Variants in CEP295 observed in about 807,000 individuals in gnomAD.
CEP295 encodes the protein centrosomal protein of 295 kDa.
In CEP295, 190 loss-of-function variants were observed where a neutral mutation model predicts 291.6. That is an observed-to-expected ratio of 0.65 (90% CI 0.58 to 0.73). The LOEUF (loss-of-function observed/expected upper bound fraction) is 0.73. Ranked by LOEUF, CEP295 falls within the 30% of genes least tolerant of loss-of-function variation. CEP295 has a pLI of 0.00. For missense variants in CEP295, 2,863 were observed against 2,949.4 expected, an observed-to-expected ratio of 0.97 and a Z score of 0.68; for synonymous variants, 993 against 1,038.8, an observed-to-expected ratio of 0.96 and a Z score of 0.85.
chr11:93,723,522 T>A (rs923728989), intron 21 of CEP295: 1 of 362,178 alleles, frequency 2.8e-6, no homozygotes, highest in Non-Finnish European at 5.0e-6. Context: ...CCTTTGCCAT[T>A]GCAGAGTTAG....
At chr11:93,675,723 T>A in intron 6 of CEP295, 57 bp downstream of exon 6, 2 of 878,800 alleles carry the variant, frequency 2.3e-6, no homozygotes, top group South Asian at 3.4e-5. Flanking sequence ...GTGCATTGAA[T>A]TGAATTATAT....
rs912660657 is a variant in CEP295 at position 93,699,080 on chromosome 11, G to A, written c.4168G>A (p.Glu1390Lys). 3.2e-6 allele frequency: 5 copies of A among 1,546,612 alleles called. No individual in the cohort carries two copies. The highest frequency in any genetic ancestry group is 2.0e-5 in the Admixed American group (1 of 50,984). ...QSEWEGRISP[E>K]QVDTSSLPLV... is the part of the protein sequence containing the mutation. ...TGAATGGGAGGGAAGAATATCTCCC[G>A]AGCAGGTTGACACCTCTTCCTTACC... The change falls in exon 15 of 30, where the codon GAG (glutamate) becomes AAG (lysine). Residue 1390 changes from glutamate to lysine, a missense_variant. Around this residue, in one of 3 missense-constraint regions of CEP295, gnomAD observed 2,295 missense variants for 2,335.7 expected, o/e 0.98. Coordinates refer to ENST00000325212, the MANE Select transcript of CEP295 (RefSeq NM_033395.2).
rs1485081144 is a variant in CEP295, at chr11:93,666,795, C to T, written c.88C>T (p.Arg30Ter). 6 of 1,540,254 alleles carry T rather than the reference C, an allele frequency of 3.9e-6. No homozygotes were observed. The highest frequency in any genetic ancestry group is 3.9e-5 in the Admixed American group (2 of 50,826). Residue 30 changes from arginine to a stop codon, truncating the protein, a stop_gained, in exon 2 of 30, where the codon CGA (arginine) becomes TGA (stop). Coordinates refer to ENST00000325212, the MANE Select transcript of CEP295 (RefSeq NM_033395.2). LOFTEE classifies it high-confidence loss of function. ...TTTGAAGGAAGATTATGAAAGAAGG[C>T]GAAAACTAAGATTGCTACAGGTATG... The part of the protein sequence containing the change: ...FILKEDYERR[R>*]KLRLLQVREQ...
chr11:93,699,966 C>T lies in CEP295; in HGVS notation c.5054C>T (p.Pro1685Leu). The T allele has an allele frequency of 6.4e-7, 1 of 1,551,736 alleles. No homozygotes were observed. The highest frequency in any genetic ancestry group is 8.7e-7 in the Non-Finnish European group (1 of 1,147,004). ...GAACATGCAGCCCCCCCAAGTAATC[C>T]TGTGATCCCAGGGTTTCAAGATAGA... ...QNEHAAPPSN[P>L]VIPGFQDRLL... Residue 1685 changes from proline to leucine, a missense_variant, in exon 15 of 30, where the codon CCT becomes CTT. Pro to Leu is a moderately conservative substitution (Grantham distance 98, BLOSUM62 -3). Transcript: ENST00000325212.
At chr11:93,729,016 C>T (rs920289518) in intron 25 of CEP295, 195 bp downstream of exon 25, 1 of 544,806 alleles carries the variant, frequency 1.8e-6, no homozygotes, top group Non-Finnish European at 3.2e-6. Flanking sequence ...TTAATCCCCA[C>T]TCCAATTTAT....
intron 18 of CEP295, among the ~76,000 whole-genome samples, chr11:93,711,208 G>A (rs1591110240): frequency 6.6e-6 from 1 of 151,930 alleles, no homozygotes; most frequent in Non-Finnish European, 1.5e-5. Flanking sequence ...TTGATTTGAA[G>A]TTTTTCTTCT....
rs1188243080 is a variant in CEP295 at position 93,729,513 on chromosome 11, CAA to C, written c.7383_7384del (p.Arg2462AspfsTer42). 2 of 1,551,578 alleles carry C rather than the reference CAA, an allele frequency of 1.3e-6. No homozygotes were observed. The highest frequency in any genetic ancestry group is 1.7e-6 in the Non-Finnish European group (2 of 1,146,862). On this transcript the variant is annotated frameshift_variant, in exon 26 of 30. Transcript: ENST00000325212. LOFTEE classifies it high-confidence loss of function. The stretch of plus-strand genomic sequence containing the variant: ...GTATCAGAACTTTCCATAGAAAAAC[CAA>C]GGACAGCATCTACAGGTAAGCCTTG...
chr11:93,671,106 C>A (rs1015484374), intron 5 of CEP295, among the ~76,000 whole-genome samples: 2 of 152,162 alleles, frequency 1.3e-5, no homozygotes, highest in Non-Finnish European at 2.9e-5. Context: ...TGGTCTCGAA[C>A]TCCTGACCTC....
Position 93,702,586 on chromosome 11 carries a change from A to G in CEP295, c.5401A>G (p.Asn1801Asp), listed in dbSNP as rs1439346446. 6.4e-7 allele frequency: 1 copy of G among 1,550,624 alleles called. No individual in the cohort carries two copies. Residue 1801 changes from asparagine (N) to aspartate (D), a missense_variant, in exon 16 of 30, where the codon AAC becomes GAC. By Grantham distance (23) the Asn-to-Asp change is conservative (BLOSUM62 1). Around this residue, in one of 3 missense-constraint regions of CEP295, gnomAD observed 2,295 missense variants for 2,335.7 expected, o/e 0.98. Coordinates refer to ENST00000325212, the MANE Select transcript of CEP295 (RefSeq NM_033395.2). ...QENIRHADRNNSDDNHLASED... is the reference protein window; with the variant it reads ...QENIRHADRNDSDDNHLASED... Reference sequence around the variant, plus strand: ...AAATATTAGGCATGCAGATAGGAACAACTCTGATGATAATCATTTGGCTTC... The same window carrying G: ...AAATATTAGGCATGCAGATAGGAACGACTCTGATGATAATCATTTGGCTTC...
At chr11:93,676,431 A>G (rs1950695228) in intron 6 of CEP295, among the ~76,000 whole-genome samples, 1 of 151,888 alleles carries the variant, frequency 6.6e-6, no homozygotes, top group African/African-American at 2.4e-5. Context: ...AATTTTTTTC[A>G]TGTTGAATAT....
intron 18 of CEP295, among the ~76,000 whole-genome samples, chr11:93,711,912 A>C (rs921004589): frequency 1.3e-5 from 2 of 151,932 alleles, no homozygotes; most frequent in Non-Finnish European, 2.9e-5. Context: ...TGAGGAGAAG[A>C]ATATGTATTC....
At position 93,729,665 on chromosome 11, in the gene CEP295, T is replaced by A. The variant is rs1565230749; in HGVS notation, c.7451T>A (p.Ile2484Lys). The A allele has an allele frequency of 6.4e-7, 1 of 1,550,912 alleles. No individual in the cohort carries two copies. Reference protein sequence around the residue: ...PVPGSLQEAFIKRKKSFMERS... With the variant: ...PVPGSLQEAFKKRKKSFMERS... ...CCAGGGAGCTTACAAGAAGCATTTA[T>A]AAAGAGGAAAAAATCATTTATGGAG... Residue 2484 changes from isoleucine (I) to lysine (K), a missense_variant, in exon 27 of 30, where the codon ATA becomes AAA. Around this residue, in one of 3 missense-constraint regions of CEP295, gnomAD observed 2,295 missense variants for 2,335.7 expected, o/e 0.98. Coordinates refer to ENST00000325212, the MANE Select transcript of CEP295 (RefSeq NM_033395.2).
chr11:93,679,272 A>G (rs1950847639), intron 6 of CEP295, 140 bp from the exon 7 acceptor site: 1 of 713,938 alleles, frequency 1.4e-6, no homozygotes, highest in Admixed American at 3.0e-5. Flanking sequence ...CATGCCGTTG[A>G]TAATTGTGGA....
At chr11:93,702,133 AT>A (rs1319841932) in intron 15 of CEP295, among the ~76,000 whole-genome samples, 3 of 151,948 alleles carry the variant, frequency 2.0e-5, no homozygotes, top group African/African-American at 7.2e-5. Flanking sequence ...CAATTTTTGT[AT>A]TTTTAGTAGA....
rs374139287 is a variant in CEP295 at position 93,686,986 on chromosome 11, C to A, written c.1115-658C>A. On this transcript the variant is annotated intron_variant, in intron 9 of 29. Transcript: ENST00000325212. ...GCCAGAGAAATATGTACTTGCATCA[C>A]ACTTTTGTCCTCTTAGAGAACTGTT... Among the ~76,000 whole-genome samples the A allele has an allele frequency of 1.4e-4, 22 of 152,294 alleles. No individual in the cohort carries two copies. In the South Asian group the frequency reaches 4.3e-3, roughly 30 times the overall value.
At chr11:93,674,092 A>C (rs1950575600) in intron 5 of CEP295, among the ~76,000 whole-genome samples, 1 of 151,890 alleles carries the variant, frequency 6.6e-6, no homozygotes, top group East Asian at 1.9e-4. Flanking sequence ...CCTCCCTAGC[A>C]GCAGGGATTA....
intron 5 of CEP295, 64 bp from the exon 6 acceptor site, chr11:93,675,507 A>G: frequency 7.2e-6 from 6 of 830,088 alleles, no homozygotes; most frequent in Non-Finnish European, 9.0e-6. Context: ...CTTTTTTTGC[A>G]TTGGATTCAG....
chr11:93,664,334 G>T (rs11020471), intron 1 of CEP295, among the ~76,000 whole-genome samples: 2 of 152,148 alleles, frequency 1.3e-5, no homozygotes, highest in Non-Finnish European at 2.9e-5. Context: ...GAGCCATTTG[G>T]AATAAGGAAA....
chr11:93,690,175 G>T (rs915281540), intron 10 of CEP295, among the ~76,000 whole-genome samples: 2 of 152,210 alleles, frequency 1.3e-5, no homozygotes, highest in African/African-American at 4.8e-5. Context: ...ACTTTGGGAG[G>T]CCCAGGCGGG....
Sources: allele counts gnomAD v4.1 joint callset (sites outside exome capture counted in the v4.1 genomes callset), GRCh38; gene constraint gnomAD v4.1.1; regional missense constraint gnomAD v4.1.1; transcripts MANE v1.5; gene names NCBI Gene and HGNC (gene_info 2026-07-23, HGNC 2026-07-21).